WWOX: variants seen among roughly 807,000 people sequenced by gnomAD.
WWOX encodes WW domain containing oxidoreductase, also known as WW domain-containing oxidoreductase.
A neutral mutation model predicts 46.2 loss-of-function variants in WWOX; 69 were observed. The observed-to-expected ratio is 1.49, with a 90% CI of 1.23 to 1.82. WWOX has a LOEUF of 1.82. Among genes scored for constraint, WWOX ranks in the 40% most tolerant of loss-of-function variants. The pLI is 0.00. For missense variants in WWOX, 919 were observed against 542.6 expected, an observed-to-expected ratio of 1.69 and a Z score of -6.89; for synonymous variants, 359 against 202.6, an observed-to-expected ratio of 1.77 and a Z score of -6.56.
chr16:78,361,646 C>T (rs8052210), intron 5 of WWOX, among the ~76,000 whole-genome samples: 128,415 of 152,060 alleles, frequency 0.84, 54,992 homozygotes, highest in Non-Finnish European at 0.9. Flanking sequence ...AGTTTCACTC[C>T]TGTCGCCCAG....
intron 5 of WWOX, among the ~76,000 whole-genome samples, chr16:78,298,537 A>G (rs2079980860): frequency 1.3e-5 from 2 of 152,170 alleles, no homozygotes; most frequent in African/African-American, 4.8e-5. Flanking sequence ...CACACCTGTA[A>G]TCCCCGCAGT....
chr16:79,053,549 A>C (rs929418240), intron 8 of WWOX, among the ~76,000 whole-genome samples: 1 of 152,230 alleles, frequency 6.6e-6, no homozygotes, highest in African/African-American at 2.4e-5. Context: ...CTGAGTGGAT[A>C]TTTAATCTTT....
intron 5 of WWOX, among the ~76,000 whole-genome samples, chr16:78,298,853 T>C (rs1049012186): frequency 1.4e-4 from 21 of 152,172 alleles, no homozygotes; most frequent in African/African-American, 4.8e-4. Flanking sequence ...ACCATGCATT[T>C]ACATTGTTTA....
intron 4 of WWOX, among the ~76,000 whole-genome samples, chr16:78,122,555 C>A (rs1369763371): frequency 6.6e-6 from 1 of 151,816 alleles, no homozygotes; most frequent in East Asian, 1.9e-4. Flanking sequence ...GCTTTTACAT[C>A]ATAGAGTGGC....
At chr16:78,547,314 A>G (rs930911423) in intron 8 of WWOX, among the ~76,000 whole-genome samples, 1 of 152,078 alleles carries the variant, frequency 6.6e-6, no homozygotes, top group Non-Finnish European at 1.5e-5. Flanking sequence ...AGGGGGCACT[A>G]TTAGTATCCC....
intron 8 of WWOX, among the ~76,000 whole-genome samples, chr16:78,902,430 C>T (rs899255955): frequency 1.7e-4 from 26 of 152,186 alleles, no homozygotes; most frequent in African/African-American, 5.8e-4. Flanking sequence ...CAGCGCCACG[C>T]GGGGCGGGCG....
chr16:78,515,655 C>A (rs192909589), intron 8 of WWOX, among the ~76,000 whole-genome samples: 32 of 152,306 alleles, frequency 2.1e-4, no homozygotes, highest in African/African-American at 7.7e-4. Context: ...AGCTTTCTTG[C>A]CGGCCTCTCC....
At chr16:78,881,732 A>T (rs981090526) in intron 8 of WWOX, among the ~76,000 whole-genome samples, 3 of 152,220 alleles carry the variant, frequency 2.0e-5, no homozygotes, top group Non-Finnish European at 4.4e-5. Context: ...AGAATGATCA[A>T]TGATTTTCTT....
chr16:78,392,006 T>A (rs986736204), intron 6 of WWOX, among the ~76,000 whole-genome samples: 3 of 151,826 alleles, frequency 2.0e-5, no homozygotes, highest in Non-Finnish European at 4.4e-5. Flanking sequence ...TTTTTTTTTT[T>A]TTCCTTAAAA....
At chr16:79,102,783 G>C (rs905085697) in intron 8 of WWOX, among the ~76,000 whole-genome samples, 2 of 152,146 alleles carry the variant, frequency 1.3e-5, no homozygotes, top group Admixed American at 6.5e-5. Flanking sequence ...AACACCTAAA[G>C]ACTCTTTCTA....
At chr16:79,082,962 T>C (rs1409155707) in intron 8 of WWOX, among the ~76,000 whole-genome samples, 3 of 152,106 alleles carry the variant, frequency 2.0e-5, no homozygotes, top group Non-Finnish European at 4.4e-5. Context: ...TGTGGAAATC[T>C]ACATCAGAGA....
chr16:78,539,567 A>G (rs2043838216), intron 8 of WWOX, among the ~76,000 whole-genome samples: 1 of 152,250 alleles, frequency 6.6e-6, no homozygotes. Flanking sequence ...CATATATTTC[A>G]TTGTAGAGTG....
At chr16:78,629,373 G>A (rs976411178) in intron 8 of WWOX, among the ~76,000 whole-genome samples, 10 of 152,032 alleles carry the variant, frequency 6.6e-5, no homozygotes, top group African/African-American at 2.4e-4. Flanking sequence ...ATATAGCAGT[G>A]TTGTCAGTAA....
intron 5 of WWOX, among the ~76,000 whole-genome samples, chr16:78,347,446 C>T (rs1480726825): frequency 8.5e-6 from 1 of 118,150 alleles, no homozygotes. Context: ...CTTGACAGCT[C>T]ATAAAGTCAC....
At chr16:78,109,592 G>C (rs1403382125) in intron 2 of WWOX, among the ~76,000 whole-genome samples, 186 bp from the exon 3 acceptor site, 1 of 152,112 alleles carries the variant, frequency 6.6e-6, no homozygotes, top group Non-Finnish European at 1.5e-5. Context: ...TGGAGCCCAG[G>C]GTGGGATCAG....
chr16:79,026,615 T>A (rs2047647684), intron 8 of WWOX, among the ~76,000 whole-genome samples: 1 of 58,962 alleles, frequency 1.7e-5, no homozygotes, highest in Non-Finnish European at 3.2e-5. Flanking sequence ...TGGTAGACTC[T>A]TTTTTTTTTT....
chr16:78,756,141 G>C (rs2049640683), intron 8 of WWOX, among the ~76,000 whole-genome samples: 2 of 152,082 alleles, frequency 1.3e-5, no homozygotes, highest in African/African-American at 4.8e-5. Flanking sequence ...ACACGAACGG[G>C]GATCCTAGAG....
chr16:78,559,340 G>C (rs1488951034), intron 8 of WWOX, among the ~76,000 whole-genome samples: 1 of 152,196 alleles, frequency 6.6e-6, no homozygotes, highest in African/African-American at 2.4e-5. Flanking sequence ...TCCTAGAATA[G>C]TCCCGGCAAG....
intron 8 of WWOX, among the ~76,000 whole-genome samples, chr16:79,073,671 A>C (rs1027682229): frequency 6.6e-6 from 1 of 152,168 alleles, no homozygotes; most frequent in South Asian, 2.1e-4. Context: ...GGAAGAGACT[A>C]TATTTCCCTG....
Sources: allele counts gnomAD v4.1 joint callset (sites outside exome capture counted in the v4.1 genomes callset), GRCh38; gene constraint gnomAD v4.1.1; transcripts MANE v1.5; gene names NCBI Gene and HGNC (gene_info 2026-07-23, HGNC 2026-07-21).